The following USP32 variants were observed in gnomAD, a reference collection of about 807,000 sequenced individuals.
USP32 encodes ubiquitin specific peptidase 32.
A neutral mutation model predicts 204.8 loss-of-function variants in USP32; 59 were observed. The ratio of observed to expected loss-of-function variants is 0.29; its 90% CI spans 0.23 to 0.36. The LOEUF (loss-of-function observed/expected upper bound fraction) is 0.36. Ranked by LOEUF, USP32 falls within the 10% of genes least tolerant of loss-of-function variation. USP32 has a pLI of 1.00. For synonymous variants in USP32, 517 were observed against 678.4 expected (o/e 0.76, Z 3.70); for missense variants, 1,160 against 1,946.4 (o/e 0.60, Z 7.60).
chr17:60,404,520 A>C (rs1383265899), intron 1 of USP32, among the ~76,000 whole-genome samples: 1 of 152,194 alleles, frequency 6.6e-6, no homozygotes, highest in African/African-American at 2.4e-5. Context: ...GTTTCCTAAA[A>C]GAACTAGTTC....
At chr17:60,306,434 T>TC (rs1350489620) in intron 2 of USP32, among the ~76,000 whole-genome samples, 1 of 152,102 alleles carries the variant, frequency 6.6e-6, no homozygotes, top group Admixed American at 6.6e-5. Context: ...GGTCAGGAGT[T>TC]CGAGAGCTGC....
intron 4 of USP32, among the ~76,000 whole-genome samples, chr17:60,292,099 A>G (rs1384379400): frequency 6.6e-6 from 1 of 152,032 alleles, no homozygotes; most frequent in Non-Finnish European, 1.5e-5. Flanking sequence ...CTTCCAGGGT[A>G]TTTGACATAG....
At chr17:60,204,815 G>A (rs1355063490) in intron 26 of USP32, among the ~76,000 whole-genome samples, 1 of 151,572 alleles carries the variant, frequency 6.6e-6, no homozygotes, top group Non-Finnish European at 1.5e-5. Flanking sequence ...GTCTTGCCCA[G>A]CCTGGAATGT....
chr17:60,365,837 CAA>C (rs1415918543), intron 1 of USP32, among the ~76,000 whole-genome samples: 1 of 152,098 alleles, frequency 6.6e-6, no homozygotes, highest in Admixed American at 6.5e-5. Context: ...ATAAATCTAC[CAA>C]AGAGTTTGGC....
At chr17:60,347,168 A>C (rs943958100) in intron 1 of USP32, among the ~76,000 whole-genome samples, 4 of 152,070 alleles carry the variant, frequency 2.6e-5, no homozygotes, top group South Asian at 2.1e-4. Flanking sequence ...CTGAGAGTAG[A>C]AGCAGTACTG....
intron 2 of USP32, among the ~76,000 whole-genome samples, chr17:60,330,530 CCTTTCTCT>C (rs975484757): frequency 5.4e-5 from 8 of 149,326 alleles, no homozygotes; most frequent in Non-Finnish European, 1.2e-4. Context: ...CCCCCTCCCT[CCTTTCTCT>C]CTTTCTCTCT....
intron 27 of USP32, among the ~76,000 whole-genome samples, chr17:60,196,798 C>T (rs2145432302): frequency 6.6e-6 from 1 of 152,088 alleles, no homozygotes; most frequent in East Asian, 1.9e-4. Context: ...GCACTCCAGC[C>T]TGGGTGACAG....
intron 2 of USP32, among the ~76,000 whole-genome samples, chr17:60,325,429 AAAAGAGAAAAAG>A (rs909149793): frequency 2.6e-5 from 4 of 152,234 alleles, no homozygotes; most frequent in African/African-American, 7.2e-5. Flanking sequence ...AAATACAAAA[AAAAGAGAAAAAG>A]AAAGAAAACT....
At chr17:60,307,641 T>G (rs1037717203) in intron 2 of USP32, among the ~76,000 whole-genome samples, 6 of 152,102 alleles carry the variant, frequency 3.9e-5, no homozygotes, top group Non-Finnish European at 2.9e-5. Flanking sequence ...AGCATGGTAC[T>G]GATACAGGAG....
At chr17:60,248,135 T>C (rs1475962167) in intron 11 of USP32, among the ~76,000 whole-genome samples, 1 of 152,120 alleles carries the variant, frequency 6.6e-6, no homozygotes, top group Admixed American at 6.5e-5. Context: ...TTCTGCTAGA[T>C]AAAGAATTCT....
rs1379213902 is a variant in USP32, at chr17:60,391,926, T to G, written c.14A>C (p.Glu5Ala). ...GTAGCTGAGGAATCCGATCCGTGAC[T>G]CCTTGGCACCCATGCTCCCCTCATC... MGAK[E>A]SRIGFLSYEE... Residue 5 changes from glutamate (E) to alanine (A), a missense_variant, in exon 1 of 34, where the codon GAG becomes GCG. Glu to Ala is a moderately radical substitution (Grantham distance 107). This residue lies in a region of USP32 where 536 missense variants were observed against 680.9 expected (regional missense o/e 0.79). Coordinates refer to ENST00000300896, the MANE Select transcript of USP32 (RefSeq NM_032582.4). The G allele has an allele frequency of 6.2e-7, 1 of 1,610,488 alleles. No individual in the cohort carries two copies. Among genetic ancestry groups the G allele is most frequent in the Non-Finnish European group, 8.5e-7 (1 of 1,178,786 alleles).
chr17:60,318,707 A>G (rs991092441), intron 2 of USP32, among the ~76,000 whole-genome samples: 6 of 152,248 alleles, frequency 3.9e-5, no homozygotes, highest in Non-Finnish European at 7.3e-5. Flanking sequence ...TAAATGGAGT[A>G]GAACCAAAAC....
intron 5 of USP32, among the ~76,000 whole-genome samples, chr17:60,275,038 T>C (rs1318848603): frequency 6.6e-6 from 1 of 152,258 alleles, no homozygotes; most frequent in Non-Finnish European, 1.5e-5. Flanking sequence ...TTATTGAGCA[T>C]CTCCCTTGAT....
chr17:60,181,522 C>A lies in USP32; in HGVS notation c.4350G>T (p.Val1450=). The part of the protein sequence containing the change: ...ELADALSRGH[V]LGGSQPELVT... The stretch of plus-strand genomic sequence containing the variant: ...CCAACTCTGGTTGGCTGCCCCCCAG[C>A]ACATGCCCTCGACTCAAGGCGTCAG... Residue 1450 remains valine, a synonymous_variant, in exon 32 of 34, where the codon GTG becomes GTT. Transcript: ENST00000300896. The A allele has an allele frequency of 6.2e-7, 1 of 1,614,000 alleles. No individual in the cohort carries two copies.
At chr17:60,333,211 C>T (rs930545167) in intron 2 of USP32, among the ~76,000 whole-genome samples, 1 of 152,192 alleles carries the variant, frequency 6.6e-6, no homozygotes, top group African/African-American at 2.4e-5. Flanking sequence ...CAATCACAAG[C>T]CTTACCAAAA....
intron 1 of USP32, among the ~76,000 whole-genome samples, chr17:60,365,795 G>C (rs2089299422): frequency 6.6e-6 from 1 of 151,982 alleles, no homozygotes; most frequent in African/African-American, 2.4e-5. Flanking sequence ...CAAAAATAAT[G>C]CCCAGAACAA....
rs2084956125 is a variant in USP32 at position 60,211,133 on chromosome 17, G to A, written c.2319-15C>T. ...TGGGATTTGTCCTAGAAGTTTGAGA[G>A]GAAAATTTGTTGCCAAAGATTCTCA... On this transcript the variant is annotated splice_polypyrimidine_tract_variant and intron_variant, in intron 20 of 33. Coordinates refer to ENST00000300896, the MANE Select transcript of USP32 (RefSeq NM_032582.4). 1 of 1,604,484 alleles carries A rather than the reference G, an allele frequency of 6.2e-7. No homozygotes were observed. Among genetic ancestry groups the A allele is most frequent in the Non-Finnish European group, 8.5e-7 (1 of 1,174,624 alleles).
Position 60,207,071 on chromosome 17 carries a change from T to C in USP32, c.2987A>G (p.Glu996Gly). The C allele has an allele frequency of 6.2e-7, 1 of 1,613,312 alleles. No homozygotes were observed. Among genetic ancestry groups the C allele is most frequent in the Non-Finnish European group, 8.5e-7 (1 of 1,179,482 alleles). The part of the protein sequence containing the change: ...LSVSGFLCAF[E>G]IPVPVSPISA... ...AATTGGAGACACAGGGACAGGAATT[T>C]CAAATGCACACAAAAATCCACTCAC... The change falls in exon 25 of 34, where the codon GAA (glutamate) becomes GGA (glycine). Residue 996 changes from glutamate to glycine, a missense_variant. Transcript: ENST00000300896.
At chr17:60,271,534 GT>G in intron 5 of USP32, 53 bp from the exon 6 acceptor site, 2 of 1,558,728 alleles carry the variant, frequency 1.3e-6, no homozygotes, top group Non-Finnish European at 1.8e-6. Flanking sequence ...CTTCTCAGGA[GT>G]TCAGTTCATC....
Sources: allele counts gnomAD v4.1 joint callset (sites outside exome capture counted in the v4.1 genomes callset), GRCh38; gene constraint gnomAD v4.1.1; regional missense constraint gnomAD v4.1.1; transcripts MANE v1.5; gene names NCBI Gene and HGNC (gene_info 2026-07-23, HGNC 2026-07-21).